The following SCAND3 variants were observed in gnomAD, a reference collection of about 807,000 sequenced individuals.
SCAND3 encodes the protein SCAN domain-containing protein 3.
the SCAND3 span, among the ~76,000 whole-genome samples, chr6:28,578,990 G>A: frequency 3.3e-5 from 5 of 152,286 alleles, no homozygotes; most frequent in Non-Finnish European, 5.9e-5. Context: ...ACTGACAAGT[G>A]CTCAGTATTT....
the SCAND3 span, among the ~76,000 whole-genome samples, chr6:28,592,650 A>G: frequency 2.0e-5 from 3 of 152,208 alleles, no homozygotes; most frequent in African/African-American, 7.2e-5. The surrounding 1 kb of genome is among the most constrained non-coding windows in gnomAD (Gnocchi z 4.1). Context: ...CAAAGCTGGA[A>G]GCATCACATT....
the SCAND3 span, among the ~76,000 whole-genome samples, chr6:28,581,709 T>C: frequency 1.7e-3 from 256 of 152,334 alleles, no homozygotes; most frequent in Non-Finnish European, 3.4e-3. Context: ...TCCCCTATCC[T>C]ATCAGGAAAA....
At chr6:28,601,047 C>A in the SCAND3 span, among the ~76,000 whole-genome samples, 28 of 151,878 alleles carry the variant, frequency 1.8e-4, no homozygotes, top group East Asian at 5.5e-3. Flanking sequence ...GGACTACAGG[C>A]GCCCGCCACC....
chr6:28,573,325 A>G, the SCAND3 span: 1 of 1,614,108 alleles, frequency 6.2e-7, no homozygotes. Flanking sequence ...TTCACCCAAC[A>G]TTTCCAAGCA....
chr6:28,589,507 G>C, the SCAND3 span: 1 of 152,168 alleles, frequency 6.6e-6, no homozygotes, highest in African/African-American at 2.4e-5. Flanking sequence ...GGAAAAATTC[G>C]TTCCTCCGCT....
chr6:28,586,595 A>G, the SCAND3 span: 1 of 1,614,200 alleles, frequency 6.2e-7, no homozygotes, highest in Non-Finnish European at 8.5e-7. The surrounding 1 kb of genome is among the most constrained non-coding windows in gnomAD (Gnocchi z 4.4). Flanking sequence ...ACAAATTCCT[A>G]CGTAGGGCTG....
chr6:28,575,075 A>G, the SCAND3 span: 1 of 1,614,178 alleles, frequency 6.2e-7, no homozygotes, highest in South Asian at 1.1e-5. This position sits in a 1 kb window ranked among gnomAD's most constrained non-coding sequence, Gnocchi z 4.2. Context: ...TCTGTATGCA[A>G]GCTGGCAACA....
At chr6:28,579,409 C>A in the SCAND3 span, 1 of 1,612,106 alleles carries the variant, frequency 6.2e-7, no homozygotes, top group Non-Finnish European at 8.5e-7. This position sits in a 1 kb window ranked among gnomAD's most constrained non-coding sequence, Gnocchi z 4.5. Flanking sequence ...CCCATATGTG[C>A]CCTGTGAGAC....
At chr6:28,606,294 G>C in the SCAND3 span, among the ~76,000 whole-genome samples, 9 of 152,212 alleles carry the variant, frequency 5.9e-5, no homozygotes, top group Admixed American at 5.2e-4. Context: ...TAAATTGTTT[G>C]AGAAAGAGAG....
the SCAND3 span, among the ~76,000 whole-genome samples, chr6:28,581,311 C>T: frequency 6.6e-6 from 1 of 151,994 alleles, no homozygotes; most frequent in Admixed American, 6.6e-5. Context: ...GCCCTCCAGC[C>T]TGGGTGACAG....
the SCAND3 span, among the ~76,000 whole-genome samples, chr6:28,601,992 C>T: frequency 6.6e-6 from 1 of 151,976 alleles, no homozygotes; most frequent in South Asian, 2.1e-4. Flanking sequence ...ATGAAGCATG[C>T]AGGCCTGAGT....
chr6:28,575,287 G>T, the SCAND3 span: 1 of 1,613,944 alleles, frequency 6.2e-7, no homozygotes, highest in Non-Finnish European at 8.5e-7. The surrounding 1 kb of genome is among the most constrained non-coding windows in gnomAD (Gnocchi z 4.2). Context: ...AGTTTGTTCT[G>T]CAGAACTCTG....
At chr6:28,573,441 G>A in the SCAND3 span, 1 of 1,614,078 alleles carries the variant, frequency 6.2e-7, no homozygotes. Flanking sequence ...AAGCACTAAT[G>A]TTTATATGAG....
the SCAND3 span, chr6:28,579,470 T>G: frequency 6.6e-7 from 1 of 1,511,298 alleles, no homozygotes; most frequent in African/African-American, 1.4e-5. This position sits in a 1 kb window ranked among gnomAD's most constrained non-coding sequence, Gnocchi z 4.5. Flanking sequence ...TTGTAGTTTG[T>G]CATAGCTAAA....
At chr6:28,572,397 T>G in the SCAND3 span, 1 of 1,613,322 alleles carries the variant, frequency 6.2e-7, no homozygotes, top group Non-Finnish European at 8.5e-7. The surrounding 1 kb of genome is among the most constrained non-coding windows in gnomAD (Gnocchi z 4.1). Context: ...CATTACCTAC[T>G]TCATTGATAA....
the SCAND3 span, among the ~76,000 whole-genome samples, chr6:28,581,324 T>G: frequency 6.6e-6 from 1 of 152,012 alleles, no homozygotes; most frequent in Non-Finnish European, 1.5e-5. Context: ...GGTGACAGAG[T>G]GAGATTCCAT....
At chr6:28,586,788 GCTC>G in the SCAND3 span, 1 of 1,385,474 alleles carries the variant, frequency 7.2e-7, no homozygotes, top group Non-Finnish European at 9.8e-7. The surrounding 1 kb of genome is among the most constrained non-coding windows in gnomAD (Gnocchi z 4.4). Context: ...TTTTACTTGA[GCTC>G]CTTTTTTGTT....
the SCAND3 span, among the ~76,000 whole-genome samples, chr6:28,597,385 T>C: frequency 6.6e-6 from 1 of 152,212 alleles, no homozygotes; most frequent in Non-Finnish European, 1.5e-5. Context: ...CACAATGGAT[T>C]AGCAGTCCAT....
At chr6:28,608,613 G>A in the SCAND3 span, among the ~76,000 whole-genome samples, 1 of 152,158 alleles carries the variant, frequency 6.6e-6, no homozygotes, top group Non-Finnish European at 1.5e-5. Context: ...AATATGAGAG[G>A]AAAGAAACCA....
Sources: gnomAD v4.1 joint callset for allele counts (sites outside exome capture counted in the v4.1 genomes callset) on GRCh38, gnomAD v4.1.1 for gene constraint, Gnocchi (gnomAD v3.1) non-coding constraint, MANE v1.5 for transcripts, NCBI Gene and HGNC (gene_info 2026-07-23, HGNC 2026-07-21) for gene names.